The following CCDC33 variants were observed in gnomAD, a reference collection of about 807,000 sequenced individuals.
The protein encoded by CCDC33 is coiled-coil domain-containing protein 33.
CCDC33 carries 94 observed loss-of-function variants against 91.9 expected under a neutral mutation model. The ratio of observed to expected loss-of-function variants is 1.02; its 90% CI spans 0.87 to 1.21. CCDC33 has a LOEUF of 1.21. CCDC33 is among the 50% of genes most tolerant of loss of function. The probability of loss-of-function intolerance (pLI) is 0.00; values close to 1 mark genes in which losing one functional copy is unlikely to be tolerated. For synonymous variants in CCDC33, 396 were observed against 374.5 expected, an observed-to-expected ratio of 1.06 and a Z score of -0.66; for missense variants, 940 against 935.5, an observed-to-expected ratio of 1.00 and a Z score of -0.06.
chr15:74,279,937 C>A, intron 7 of CCDC33, 26 bp from the exon 8 acceptor site: 1 of 1,607,646 alleles, frequency 6.2e-7, no homozygotes, highest in Non-Finnish European at 8.5e-7. Context: ...TGGCCCCCAC[C>A]ACCTGCTCCT....
At chr15:74,280,589 A>G (rs1204738806) in intron 8 of CCDC33, 79 bp from the exon 9 acceptor site, 4 of 1,404,644 alleles carry the variant, frequency 2.8e-6, no homozygotes, top group Non-Finnish European at 3.7e-6. Flanking sequence ...GGGAGACAGG[A>G]GGACTGGATG....
rs1482279246 is a variant in CCDC33 at position 74,218,438 on chromosome 15, C to T, written c.311-59C>T. 3 of 1,228,538 alleles carry T rather than the reference C, an allele frequency of 2.4e-6. No individual in the cohort carries two copies. The Middle Eastern group carries it at 6.8e-4, about 280-fold the overall frequency. 76.1% of individuals were successfully genotyped at this position (1,228,538 alleles called of 1,614,324 possible). On this transcript the variant is annotated intron_variant, in intron 1 of 2. Coordinates refer to the CCDC33 transcript ENST00000635913. This position sits in a 1 kb window ranked among gnomAD's most constrained non-coding sequence, Gnocchi z 4.8. ...CCAGGGCCCTGCCTGTCCTCCTAGT[C>T]ACCTGGCAGATGCAGAGAAACCTGA...
chr15:74,294,441 TA>T (rs144322138), intron 10 of CCDC33, among the ~76,000 whole-genome samples: 5,633 of 150,130 alleles, frequency 0.038, 256 homozygotes, highest in African/African-American at 0.11. Context: ...AAATTTTATT[TA>T]AAAAAAAAAA....
rs890239511 is a variant in CCDC33 at position 74,262,344 on chromosome 15, C to T, written c.186-96C>T. 5 of 1,501,028 alleles carry T rather than the reference C, an allele frequency of 3.3e-6. No homozygotes were observed. In the African/African-American group the frequency reaches 6.9e-5, roughly 21 times the overall value. The allele number at this position is 1,501,028 out of a possible 1,614,324, so 93.0% of individuals were successfully genotyped here. A position where few individuals can be genotyped will look rare whatever the true frequency, so the allele number is the denominator to read the frequency against. ...GACAGAGCTCTCCATATTCTGTCCA[C>T]CTTTCACTCAGATTTATGGACAGTG... is the stretch of plus-strand genomic sequence containing the variant. On this transcript the variant is annotated intron_variant, in intron 2 of 18. Transcript: ENST00000398814.
chr15:74,295,848 C>T lies in CCDC33; in HGVS notation c.1190C>T (p.Ser397Phe). ...AAGAAGCTGAGAACCATCCAAGAGTCCTGGTCCAAGGACACAGTGAGCTCC... is the reference window on the plus strand; with the variant it reads ...AAGAAGCTGAGAACCATCCAAGAGTTCTGGTCCAAGGACACAGTGAGCTCC... Reference protein sequence around the residue: ...LDKKLRTIQESWSKDTVSSTM... With the variant: ...LDKKLRTIQEFWSKDTVSSTM... The change falls in exon 11 of 19, where the codon TCC becomes TTC. Residue 397 changes from serine to phenylalanine, a missense_variant. Physicochemically the swap from Ser to Phe is radical, Grantham distance 155 (BLOSUM62 -2). Coordinates refer to ENST00000398814, the MANE Select transcript of CCDC33 (RefSeq NM_025055.5). 1.2e-6 allele frequency: 2 copies of T among 1,614,200 alleles called. No homozygotes were observed. Among genetic ancestry groups the T allele is most frequent in the Non-Finnish European group, 1.7e-6 (2 of 1,180,034 alleles).
At chr15:74,232,197 C>T (rs1185872991), upstream of CCDC33, among the ~76,000 whole-genome samples, 1 of 151,944 alleles carries the variant, frequency 6.6e-6, no homozygotes, top group East Asian at 1.9e-4. Context: ...TCAGGCGGGG[C>T]GAGAGATTGG....
chr15:74,222,144 T>G (rs1173170611), intron 2 of CCDC33, among the ~76,000 whole-genome samples: 1 of 152,084 alleles, frequency 6.6e-6, no homozygotes, highest in Non-Finnish European at 1.5e-5. Flanking sequence ...GCTGTGGGCC[T>G]GGGGCTGGGC....
upstream of CCDC33, among the ~76,000 whole-genome samples, chr15:74,231,713 C>T (rs1456545219): frequency 6.6e-6 from 1 of 152,176 alleles, no homozygotes; most frequent in Non-Finnish European, 1.5e-5. Context: ...CATTTGTGTC[C>T]TCACCTTAAA....
chr15:74,266,577 C>T (rs1464877117), intron 3 of CCDC33, 101 bp from the exon 4 acceptor site: 9 of 823,918 alleles, frequency 1.1e-5, no homozygotes, highest in African/African-American at 8.3e-5. Context: ...GCCCCTGCTC[C>T]CTACTCTCAA....
chr15:74,333,222 T>G (rs1203671413), intron 16 of CCDC33: 5 of 1,586,364 alleles, frequency 3.2e-6, no homozygotes, highest in Admixed American at 1.8e-5. Flanking sequence ...CCATCCCAGG[T>G]GGACCCCGGG....
At chr15:74,279,885 C>G in intron 7 of CCDC33, 78 bp from the exon 8 acceptor site, 1 of 1,542,082 alleles carries the variant, frequency 6.5e-7, no homozygotes, top group South Asian at 1.2e-5. Context: ...TCTAGATACA[C>G]AAAACCAAAT....
At chr15:74,330,495 A>G in intron 12 of CCDC33, 141 bp downstream of exon 12, 1 of 1,133,798 alleles carries the variant, frequency 8.8e-7, no homozygotes, top group Non-Finnish European at 1.3e-6. Context: ...GCCCACAGAC[A>G]CTCACACAGT....
intron 11 of CCDC33, chr15:74,301,930 C>T (rs911113159): frequency 2.0e-5 from 1 of 49,102 alleles, no homozygotes; most frequent in Non-Finnish European, 1.0e-4. Context: ...TTCCCTCCCT[C>T]CTTCTGCCTT....
In CCDC33 at chr15:74,223,679, G is replaced by T. The variant is rs189255612; in HGVS notation, c.675+4818G>T. On this transcript the variant is annotated intron_variant, in intron 2 of 2. Coordinates refer to the CCDC33 transcript ENST00000635913. ...CCTCAGGCCCGAGCAGGTCAGCCCC[G>T]TCCAGGCAGCATGCTTCTGCTGAGG... Among the ~76,000 whole-genome samples, 23 of 120,486 alleles carry T rather than the reference G, an allele frequency of 1.9e-4. No homozygotes were observed. The East Asian group carries it at 4.7e-3, about 25-fold the overall frequency. 79.0% of individuals were successfully genotyped at this position (120,486 alleles called of 152,430 possible).
intron 7 of CCDC33, among the ~76,000 whole-genome samples, chr15:74,273,761 G>A (rs1014262198): frequency 2.0e-5 from 3 of 150,082 alleles, no homozygotes; most frequent in Non-Finnish European, 4.4e-5. Context: ...GAGTCACTGC[G>A]CCCAGCGAAA....
intron 4 of CCDC33, among the ~76,000 whole-genome samples, 155 bp from the exon 5 acceptor site, chr15:74,268,187 G>T (rs1392441416): frequency 6.6e-6 from 1 of 152,222 alleles, no homozygotes; most frequent in Non-Finnish European, 1.5e-5. Flanking sequence ...GATCTCCTTG[G>T]AAGGGCTCAC....
Position 74,287,295 on chromosome 15 carries a change from G to A in CCDC33, c.1095+5446G>A, listed in dbSNP as rs2059493788. Among the ~76,000 whole-genome samples the A allele has an allele frequency of 2.0e-5, 3 of 152,270 alleles. No homozygotes were observed. In the South Asian group the frequency reaches 6.2e-4, roughly 32 times the overall value. ...TCTGTGAAAACACTACCATAAGGAT[G>A]GATCCAGAGAGAGAGACCCTTTCCC... is the stretch of plus-strand genomic sequence containing the variant. On this transcript the variant is annotated intron_variant, in intron 10 of 18. Transcript: ENST00000398814.
At chr15:74,209,377 A>T (rs2074332500) in intron 1 of CCDC33, 8 of 1,535,466 alleles carry the variant, frequency 5.2e-6, no homozygotes, top group Non-Finnish European at 7.0e-6. Flanking sequence ...GTCCCCATCC[A>T]TCACTCCCAG....
chr15:74,204,261 G>A (rs1216646272), intron 1 of CCDC33, among the ~76,000 whole-genome samples: 2 of 152,242 alleles, frequency 1.3e-5, no homozygotes, highest in Admixed American at 6.5e-5. Flanking sequence ...CGGAGGGCGG[G>A]ACTCTATCCC....
Sources: gnomAD v4.1 joint callset for allele counts (sites outside exome capture counted in the v4.1 genomes callset) on GRCh38, gnomAD v4.1.1 for gene constraint, Gnocchi (gnomAD v3.1) non-coding constraint, MANE v1.5 for transcripts, NCBI Gene and HGNC (gene_info 2026-07-23, HGNC 2026-07-21) for gene names.